Variants in COA8 observed in about 807,000 individuals in gnomAD.
COA8 encodes cytochrome c oxidase assembly factor 8, also known as UPF0671 protein C14orf153.
In COA8, 20 loss-of-function variants were observed where a neutral mutation model predicts 22.0. The observed-to-expected ratio is 0.91, with a 90% CI of 0.64 to 1.32. The LOEUF is 1.32. Among genes scored for constraint, COA8 ranks in the 40% most tolerant of loss-of-function variants. The probability of loss-of-function intolerance (pLI) is 0.00; values close to 1 mark genes in which losing one functional copy is unlikely to be tolerated. For synonymous variants in COA8, 105 were observed against 79.9 expected, an observed-to-expected ratio of 1.31 and a Z score of -1.68; for missense variants, 266 against 230.0, an observed-to-expected ratio of 1.16 and a Z score of -1.01.
chr14:103,568,427 A>G (rs1275132131), intron 1 of COA8, among the ~76,000 whole-genome samples: 1 of 151,660 alleles, frequency 6.6e-6, no homozygotes, highest in Non-Finnish European at 1.5e-5. Context: ...AAGAAAGGAG[A>G]TATGTATATA....
intron 4 of COA8, chr14:103,588,130 A>AAC (rs1192935726): frequency 9.6e-6 from 3 of 312,972 alleles, no homozygotes; most frequent in African/African-American, 2.2e-5. Context: ...AAAAAAAAAA[A>AAC]AAAAAAAAAA....
chr14:103,563,787 T>G (rs1222728158), intron 1 of COA8, among the ~76,000 whole-genome samples: 1 of 152,200 alleles, frequency 6.6e-6, no homozygotes, highest in Non-Finnish European at 1.5e-5. Context: ...AAGCAAAGCA[T>G]GCAAATACCA....
chr14:103,580,534 G>A (rs745415073), intron 3 of COA8, among the ~76,000 whole-genome samples: 7 of 147,800 alleles, frequency 4.7e-5, no homozygotes, highest in Non-Finnish European at 1.0e-4. Context: ...TCACTCTGTC[G>A]CCAGGCTGGA....
chr14:103,575,291 A>G (rs1401107698), intron 3 of COA8, among the ~76,000 whole-genome samples: 2 of 152,238 alleles, frequency 1.3e-5, no homozygotes, highest in African/African-American at 4.8e-5. Context: ...AACAGATGGG[A>G]GAAGTTGTTT....
chr14:103,588,251 G>A (rs572767346), intron 4 of COA8: 457 of 391,610 alleles, frequency 1.2e-3, no homozygotes, highest in Non-Finnish European at 1.4e-3. Flanking sequence ...ACGGTGGCTC[G>A]CACCTGGAAT....
At position 103,586,500 on chromosome 14, in the gene COA8, G is replaced by A. The variant is rs575886055; in HGVS notation, c.386-774G>A. Among the ~76,000 whole-genome samples, 9 of 151,924 alleles carry A rather than the reference G, an allele frequency of 5.9e-5. No individual in the cohort carries two copies. The East Asian group carries it at 1.4e-3, about 23-fold the overall frequency. Reference sequence around the variant, plus strand: ...TGGGACTACAGACGTGCACCACCACGCCCAGCTAATTTTTGTATTTTTAGT... The same window carrying A: ...TGGGACTACAGACGTGCACCACCACACCCAGCTAATTTTTGTATTTTTAGT... On this transcript the variant is annotated intron_variant, in intron 3 of 4. Transcript: ENST00000409074.
At chr14:103,576,833 T>A (rs1481055679) in intron 3 of COA8, among the ~76,000 whole-genome samples, 1 of 152,022 alleles carries the variant, frequency 6.6e-6, no homozygotes, top group Non-Finnish European at 1.5e-5. Flanking sequence ...GCTGCTGCCA[T>A]GGAGACGGGA....
rs1025801899 is a variant in COA8 at position 103,581,147 on chromosome 14, A to G, written c.386-6127A>G. On this transcript the variant is annotated intron_variant, in intron 3 of 4. Transcript: ENST00000409074. The surrounding 1 kb of genome is among the most constrained non-coding windows in gnomAD (Gnocchi z 4.1). ...GATTTGAGCATCCTGAAATGTTGGT[A>G]TCTGTAGGAGTCCTGGAACCAACCT... Among the ~76,000 whole-genome samples, 1 of 152,166 alleles carries G rather than the reference A, an allele frequency of 6.6e-6. No individual in the cohort carries two copies. Among genetic ancestry groups the G allele is most frequent in the African/African-American group, 2.4e-5 (1 of 41,450 alleles).
chr14:103,581,314 A>T lies in COA8; in HGVS notation c.386-5960A>T, dbSNP rs2076265791. ...ATCTCTAATCTTGTATTTTGCAACC[A>T]TTACCAAGTAAATAAGGGTTACTCA... On this transcript the variant is annotated intron_variant, in intron 3 of 4. Transcript: ENST00000409074. This position sits in a 1 kb window ranked among gnomAD's most constrained non-coding sequence, Gnocchi z 4.1. Among the ~76,000 whole-genome samples, 1 of 152,118 alleles carries T rather than the reference A, an allele frequency of 6.6e-6. No individual in the cohort carries two copies. The highest frequency in any genetic ancestry group is 1.5e-5 in the Non-Finnish European group (1 of 68,018).
At chr14:103,568,632 TATATA>T (rs2076156257) in intron 1 of COA8, among the ~76,000 whole-genome samples, 1 of 147,896 alleles carries the variant, frequency 6.8e-6, no homozygotes, top group South Asian at 2.1e-4. Flanking sequence ...TATATATATA[TATATA>T]TATATATATA....
At chr14:103,589,755 A>G (rs2076336326) in intron 4 of COA8, among the ~76,000 whole-genome samples, 3 of 151,538 alleles carry the variant, frequency 2.0e-5, no homozygotes, top group Admixed American at 6.6e-5. Flanking sequence ...AAAAAAAAAA[A>G]TACAAAAAAT....
chr14:103,577,916 C>T (rs1020263191), intron 3 of COA8, among the ~76,000 whole-genome samples: 4 of 149,564 alleles, frequency 2.7e-5, no homozygotes, highest in Admixed American at 2.1e-4. Context: ...CCCAGCTACT[C>T]AGGAGGCTGA....
chr14:103,572,679 G>A (rs1396513283), intron 2 of COA8, among the ~76,000 whole-genome samples: 4 of 151,994 alleles, frequency 2.6e-5, no homozygotes, highest in Admixed American at 1.3e-4. Flanking sequence ...GCAATGAGCC[G>A]AGAGCGCGCC....
At chr14:103,586,057 T>C (rs1333920496) in intron 3 of COA8, among the ~76,000 whole-genome samples, 8 of 151,642 alleles carry the variant, frequency 5.3e-5, no homozygotes, top group Admixed American at 2.0e-4. Flanking sequence ...CCTGCTACCA[T>C]GCCCGGCTAA....
At chr14:103,568,623 A>G (rs142580219) in intron 1 of COA8, among the ~76,000 whole-genome samples, 946 of 4,826 alleles carry the variant, frequency 0.2, 9 homozygotes, top group African/African-American at 0.27. Context: ...GTGTGTGTGT[A>G]TATATATATA....
intron 4 of COA8, among the ~76,000 whole-genome samples, chr14:103,588,668 A>T (rs2076329190): frequency 6.6e-6 from 1 of 151,750 alleles, no homozygotes; most frequent in Admixed American, 6.6e-5. Flanking sequence ...ACATGACAAA[A>T]CCCTGTCTCT....
intron 1 of COA8, among the ~76,000 whole-genome samples, chr14:103,570,361 C>G (rs1195835321): frequency 6.6e-5 from 10 of 152,162 alleles, no homozygotes. Context: ...AGGGTCCCCC[C>G]ACTATAACTC....
intron 3 of COA8, among the ~76,000 whole-genome samples, chr14:103,575,147 C>T (rs982632570): frequency 1.3e-5 from 2 of 152,234 alleles, no homozygotes; most frequent in Non-Finnish European, 2.9e-5. Flanking sequence ...CATGTGTGTG[C>T]GTACGTGCAC....
At chr14:103,570,938 C>T (rs778638804) in intron 1 of COA8, among the ~76,000 whole-genome samples, 1 of 152,098 alleles carries the variant, frequency 6.6e-6, no homozygotes, top group African/African-American at 2.4e-5. Flanking sequence ...TCCTGCATGC[C>T]GAGTGGCTTC....
Sources: gnomAD v4.1 joint callset for allele counts (sites outside exome capture counted in the v4.1 genomes callset) on GRCh38, gnomAD v4.1.1 for gene constraint, Gnocchi (gnomAD v3.1) non-coding constraint, MANE v1.5 for transcripts, NCBI Gene and HGNC (gene_info 2026-07-23, HGNC 2026-07-21) for gene names.